Variants in OR4M1 observed in about 807,000 individuals in gnomAD.
OR4M1 encodes olfactory receptor family 4 subfamily M member 1.
In OR4M1, 7 loss-of-function variants were observed where a neutral mutation model predicts 9.8. That is an observed-to-expected ratio of 0.71 (90% CI 0.41 to 1.34). OR4M1 has a LOEUF of 1.34. Among genes scored for constraint, OR4M1 ranks in the 40% most tolerant of loss-of-function variants. OR4M1 has a pLI of 0.01. For synonymous variants in OR4M1, 121 were observed against 139.8 expected (o/e 0.87, Z 0.95); for missense variants, 331 against 380.4 (o/e 0.87, Z 1.08).
intron 1 of OR4M1, among the ~76,000 whole-genome samples, chr14:19,775,223 G>A (rs867925580): frequency 2.0e-5 from 3 of 152,166 alleles, no homozygotes; most frequent in East Asian, 3.8e-4. Context: ...CTCATGAAGG[G>A]GCATGAAGCA....
intron 1 of OR4M1, among the ~76,000 whole-genome samples, chr14:19,778,662 C>T (rs1210491833): frequency 6.6e-6 from 1 of 152,144 alleles, no homozygotes; most frequent in African/African-American, 2.4e-5. Flanking sequence ...CTAGCTCAAG[C>T]CCTCATAACT....
intron 1 of OR4M1, among the ~76,000 whole-genome samples, chr14:19,777,608 T>C (rs1391937840): frequency 6.6e-6 from 1 of 152,214 alleles, no homozygotes; most frequent in Non-Finnish European, 1.5e-5. Context: ...TTGTTCATTG[T>C]TGTGTCTCAG....
intron 1 of OR4M1, among the ~76,000 whole-genome samples, chr14:19,778,875 C>T (rs1878384349): frequency 6.6e-6 from 1 of 152,146 alleles, no homozygotes; most frequent in Non-Finnish European, 1.5e-5. Flanking sequence ...ATTAAATATG[C>T]TTAATTAACT....
At chr14:19,778,168 C>G (rs1453853084) in intron 1 of OR4M1, among the ~76,000 whole-genome samples, 1 of 152,170 alleles carries the variant, frequency 6.6e-6, no homozygotes, top group African/African-American at 2.4e-5. Flanking sequence ...CACTGAGGTA[C>G]AAAAGAAAAT....
chr14:19,776,451 G>A (rs574914482), intron 1 of OR4M1, among the ~76,000 whole-genome samples: 23 of 152,282 alleles, frequency 1.5e-4, no homozygotes, highest in South Asian at 1.2e-3. Context: ...TAGGTACTAC[G>A]TCCCTGTAGA....
intron 1 of OR4M1, among the ~76,000 whole-genome samples, chr14:19,774,923 G>T (rs2138426643): frequency 6.6e-6 from 1 of 152,300 alleles, no homozygotes; most frequent in Non-Finnish European, 1.5e-5. Flanking sequence ...GAAACCCTTA[G>T]CTCCCCAACC....
intron 1 of OR4M1, among the ~76,000 whole-genome samples, chr14:19,779,471 C>G (rs954582300): frequency 2.0e-5 from 3 of 152,224 alleles, no homozygotes; most frequent in African/African-American, 7.2e-5. Context: ...GTGTCAGGTT[C>G]AATACAGGGC....
chr14:19,777,050 TG>T (rs1878337505), intron 1 of OR4M1, among the ~76,000 whole-genome samples: 78 of 74,948 alleles, frequency 1.0e-3, no homozygotes, highest in South Asian at 1.9e-3. Context: ...ATATATATAT[TG>T]TTTGTTTGTT....
Position 19,782,550 on chromosome 14 carries a change from G to T in OR4M1, c.*1286G>T, listed in dbSNP as rs145223302. 1.5e-3 allele frequency: 229 copies of T among 152,270 alleles called. No individual in the cohort carries two copies. The highest frequency in any genetic ancestry group is 5.2e-3 in the African/African-American group (218 of 41,550). 9.4% of individuals were successfully genotyped at this position (152,270 alleles called of 1,614,324 possible). A position where few individuals can be genotyped will look rare whatever the true frequency, so the allele number is the denominator to read the frequency against. On this transcript the variant is annotated 3_prime_UTR_variant, in exon 2 of 2. Coordinates refer to ENST00000641200, the MANE Select transcript of OR4M1 (RefSeq NM_001005500.2). ...AATAAATCGTATAACTATTCCTAGA[G>T]TTACTATTTATTTACAGAGATTTAT...
Position 19,778,955 on chromosome 14 carries a change from A to G in OR4M1, c.-29-1339A>G, listed in dbSNP as rs150964700. On this transcript the variant is annotated intron_variant, in intron 1 of 1. Transcript: ENST00000641200. The stretch of plus-strand genomic sequence containing the variant: ...TCCCTTTTCTAAATAGTCCCACATT[A>G]CTCAATTTCTGAGTATTTTTACCTT... Among the ~76,000 whole-genome samples the G allele has an allele frequency of 5.0e-3, 759 of 152,180 alleles. 5 individuals are homozygous for G. Among genetic ancestry groups the G allele is most frequent in the African/African-American group, 0.018 (729 of 41,446 alleles).
chr14:19,777,049 T>TATATATA lies in OR4M1; in HGVS notation c.-29-3245_-29-3244insATATATA, dbSNP rs58150334. Among the ~76,000 whole-genome samples, 154 of 115,532 alleles carry TATATATA rather than the reference T, an allele frequency of 1.3e-3. 1 individual carries two copies. The highest frequency in any genetic ancestry group is 3.2e-3 in the East Asian group (12 of 3,736). The allele number at this position is 115,532 out of a possible 152,430, so 75.8% of individuals were successfully genotyped here. A position where few individuals can be genotyped will look rare whatever the true frequency, so the allele number is the denominator to read the frequency against. On this transcript the variant is annotated intron_variant, in intron 1 of 1. Coordinates refer to ENST00000641200, the MANE Select transcript of OR4M1 (RefSeq NM_001005500.2). ...ATATATATATATATATATATATATATTGTTTGTTTGTTTTTCCTGTAATGT... is the reference window on the plus strand; with the variant it reads ...ATATATATATATATATATATATATATATATATATGTTTGTTTGTTTTTCCTGTAATGT...
chr14:19,776,369 TGAG>T (rs1341091210), intron 1 of OR4M1, among the ~76,000 whole-genome samples: 4 of 152,220 alleles, frequency 2.6e-5, no homozygotes, highest in Admixed American at 6.5e-5. Flanking sequence ...TTGCTTCTCT[TGAG>T]GAGATTTCAC....
chr14:19,777,855 T>C lies in OR4M1; in HGVS notation c.-29-2439T>C, dbSNP rs1320908588. Among the ~76,000 whole-genome samples, 4 of 150,806 alleles carry C rather than the reference T, an allele frequency of 2.7e-5. No homozygotes were observed. In the Admixed American group the frequency reaches 2.7e-4, roughly 10 times the overall value. ...AGGGAAACTAGGTGTTTGTTCTTCC[T>C]TGAGGAAGTGACATGGTGTAGTGGT... is the stretch of plus-strand genomic sequence containing the variant. On this transcript the variant is annotated intron_variant, in intron 1 of 1. Coordinates refer to ENST00000641200, the MANE Select transcript of OR4M1 (RefSeq NM_001005500.2).
chr14:19,776,180 T>C (rs1878304533), intron 1 of OR4M1, among the ~76,000 whole-genome samples: 1 of 152,246 alleles, frequency 6.6e-6, no homozygotes. Context: ...TTTCTCCCTA[T>C]TGCTACCCAA....
intron 1 of OR4M1, among the ~76,000 whole-genome samples, chr14:19,775,052 T>A (rs1878269136): frequency 6.6e-6 from 1 of 152,240 alleles, no homozygotes; most frequent in South Asian, 2.1e-4. Context: ...CTCGCTTAAC[T>A]GCCATTAGAC....
chr14:19,777,881 A>ATGTG (rs57894000), intron 1 of OR4M1, among the ~76,000 whole-genome samples: 3,044 of 150,598 alleles, frequency 0.02, 60 homozygotes, highest in African/African-American at 0.061. Context: ...GTGTAGTGGT[A>ATGTG]TGTGTGTGTG....
Position 19,782,736 on chromosome 14 carries a change from G to A in OR4M1, c.*1472G>A, listed in dbSNP as rs1258660413. The stretch of plus-strand genomic sequence containing the variant: ...TTACTTCTCTTCTAGGAACCCAAAG[G>A]CATGGATTGATGTTATGAGTCCTGA... On this transcript the variant is annotated 3_prime_UTR_variant, in exon 2 of 2. Transcript: ENST00000641200. The A allele has an allele frequency of 1.3e-5, 2 of 152,188 alleles. No homozygotes were observed. Among genetic ancestry groups the A allele is most frequent in the African/African-American group, 4.8e-5 (2 of 41,452 alleles). 9.4% of individuals were successfully genotyped at this position (152,188 alleles called of 1,614,324 possible).
intron 1 of OR4M1, among the ~76,000 whole-genome samples, chr14:19,774,388 C>G (rs1199893823): frequency 6.6e-6 from 1 of 152,224 alleles, no homozygotes; most frequent in Non-Finnish European, 1.5e-5. Flanking sequence ...ATCCATCCAT[C>G]TATCCATTTA....
Position 19,782,406 on chromosome 14 carries a change from A to C in OR4M1, c.*1142A>C, listed in dbSNP as rs1360019585. 6.6e-6 allele frequency: 1 copy of C among 152,258 alleles called. No homozygotes were observed. The highest frequency in any genetic ancestry group is 1.5e-5 in the Non-Finnish European group (1 of 68,042). 9.4% of individuals were successfully genotyped at this position (152,258 alleles called of 1,614,324 possible). ...CAAAACTAGGAAATATTTTCATTGA[A>C]GGGCAAGAATGCATTGGGTGTATTA... On this transcript the variant is annotated 3_prime_UTR_variant, in exon 2 of 2. Transcript: ENST00000641200.
Sources: allele counts gnomAD v4.1 joint callset (sites outside exome capture counted in the v4.1 genomes callset), GRCh38; gene constraint gnomAD v4.1.1; transcripts MANE v1.5; gene names NCBI Gene and HGNC (gene_info 2026-07-23, HGNC 2026-07-21).